Variants in RBFOX1 observed in about 807,000 individuals in gnomAD.
RBFOX1 encodes RNA binding fox-1 homolog 1.
Under a neutral mutation model 57.7 loss-of-function variants are expected in RBFOX1, and 8 were observed. The observed-to-expected ratio is 0.14, with a 90% confidence interval of 0.08 to 0.25. The LOEUF is 0.25. RBFOX1 is among the 10% of genes least tolerant of loss of function. RBFOX1 has a pLI of 1.00. For synonymous variants in RBFOX1, 326 were observed against 222.4 expected, an observed-to-expected ratio of 1.47 and a Z score of -4.15; for missense variants, 611 against 548.5, an observed-to-expected ratio of 1.11 and a Z score of -1.14.
intron 3 of RBFOX1, among the ~76,000 whole-genome samples, chr16:6,765,197 G>C (rs928484535): frequency 2.0e-5 from 3 of 152,080 alleles, no homozygotes; most frequent in East Asian, 1.9e-4. Context: ...GGTAAGGGAG[G>C]GGGTGGACTA....
At chr16:6,190,562 T>C (rs2152808310) in intron 1 of RBFOX1, among the ~76,000 whole-genome samples, 1 of 152,324 alleles carries the variant, frequency 6.6e-6, no homozygotes, top group African/African-American at 2.4e-5. Flanking sequence ...AAAATCGACT[T>C]AAATCTTTCA....
chr16:7,484,008 C>A (rs74010519), intron 4 of RBFOX1, among the ~76,000 whole-genome samples: 4,182 of 152,310 alleles, frequency 0.027, 181 homozygotes, highest in African/African-American at 0.095. Flanking sequence ...TCTGCCCCCC[C>A]ATTCCCTAAC....
At chr16:5,273,844 G>A (rs2063076654) in intron 1 of RBFOX1, among the ~76,000 whole-genome samples, 1 of 152,168 alleles carries the variant, frequency 6.6e-6, no homozygotes, top group Non-Finnish European at 1.5e-5. Flanking sequence ...TTCCAACAGT[G>A]TGTGAGCCCA....
At chr16:5,989,676 G>A (rs1478960645) in intron 4 of RBFOX1, among the ~76,000 whole-genome samples, 1 of 151,854 alleles carries the variant, frequency 6.6e-6, no homozygotes, top group Non-Finnish European at 1.5e-5. Context: ...TTCCATAGTG[G>A]ACCTTAAATT....
intron 3 of RBFOX1, among the ~76,000 whole-genome samples, chr16:6,979,869 G>C (rs975775075): frequency 6.6e-6 from 1 of 152,100 alleles, no homozygotes; most frequent in Non-Finnish European, 1.5e-5. Flanking sequence ...TGCTTTGTGA[G>C]CCTCCTGGGC....
chr16:6,263,326 C>T (rs1016497514), intron 1 of RBFOX1, among the ~76,000 whole-genome samples: 1 of 152,074 alleles, frequency 6.6e-6, no homozygotes, highest in Non-Finnish European at 1.5e-5. Flanking sequence ...AATTCATGCT[C>T]AAACTGTGGG....
intron 2 of RBFOX1, among the ~76,000 whole-genome samples, chr16:6,407,000 C>A (rs8063995): frequency 6.6e-6 from 1 of 151,870 alleles, no homozygotes; most frequent in South Asian, 2.1e-4. Flanking sequence ...TTCTGGAGGT[C>A]CCAATGAGAT....
rs892726250 is a variant in RBFOX1, at chr16:7,309,342, C to G, written c.28-208805C>G. 1.8e-4 allele frequency among the ~76,000 whole-genome samples: 27 copies of G among 152,254 alleles called. 1 individual carries two copies. Among genetic ancestry groups the G allele is most frequent in the Non-Finnish European group, 2.8e-4 (19 of 68,042 alleles). ...GAGGGCCGCGTGTTGTGGACATGGA[C>G]TGCAGGGCCACCTGGGCTGCCTCTG... On this transcript the variant is annotated intron_variant, in intron 4 of 15. Transcript: ENST00000550418.
chr16:6,769,439 G>T (rs996472321), intron 3 of RBFOX1, among the ~76,000 whole-genome samples: 2 of 152,182 alleles, frequency 1.3e-5, no homozygotes, highest in Middle Eastern at 3.2e-3. Context: ...TTTTCCATGA[G>T]CTACATCTCC....
At chr16:5,704,233 A>G (rs913395778) in intron 3 of RBFOX1, among the ~76,000 whole-genome samples, 1 of 152,192 alleles carries the variant, frequency 6.6e-6, no homozygotes, top group Non-Finnish European at 1.5e-5. Flanking sequence ...GCTGGATAAA[A>G]CAGTAATAAT....
chr16:7,354,266 T>C (rs4389158), intron 4 of RBFOX1, among the ~76,000 whole-genome samples: 57,858 of 152,084 alleles, frequency 0.38, 13,287 homozygotes, highest in African/African-American at 0.65. Context: ...CCACCATGCT[T>C]GGCCCGAATT....
Position 5,690,194 on chromosome 16 carries a change from T to C in RBFOX1, c.318+91233T>C, listed in dbSNP as rs551174310. Among the ~76,000 whole-genome samples the C allele has an allele frequency of 2.6e-5, 4 of 152,324 alleles. No individual in the cohort carries two copies. The South Asian group carries it at 6.2e-4, about 24-fold the overall frequency. On this transcript the variant is annotated intron_variant, in intron 3 of 19. Coordinates refer to the RBFOX1 transcript ENST00000641259. ...GTAATGGTATCGCATACTTATCCAA[T>C]GAAAGGGCATACATTGAAGACAGTC...
At chr16:6,939,093 T>C (rs2077878389) in intron 3 of RBFOX1, among the ~76,000 whole-genome samples, 1 of 152,190 alleles carries the variant, frequency 6.6e-6, no homozygotes, top group Non-Finnish European at 1.5e-5. Context: ...CATTTTACTC[T>C]TGAAGAAACA....
intron 1 of RBFOX1, among the ~76,000 whole-genome samples, chr16:6,119,765 A>G (rs2096534681): frequency 6.6e-6 from 1 of 152,168 alleles, no homozygotes; most frequent in Non-Finnish European, 1.5e-5. Context: ...CTCCTGAAAC[A>G]CTAGGAGTAG....
At chr16:7,152,218 C>A (rs2076239472) in intron 4 of RBFOX1, among the ~76,000 whole-genome samples, 1 of 152,128 alleles carries the variant, frequency 6.6e-6, no homozygotes, top group South Asian at 2.1e-4. Flanking sequence ...CAGTCTATAC[C>A]ATGCGTCCAT....
intron 1 of RBFOX1, among the ~76,000 whole-genome samples, chr16:5,460,057 T>G (rs1437754866): frequency 6.6e-6 from 1 of 152,092 alleles, no homozygotes; most frequent in Non-Finnish European, 1.5e-5. Context: ...CAATGATGAG[T>G]CTCTGGATGG....
intron 4 of RBFOX1, among the ~76,000 whole-genome samples, chr16:7,172,347 C>G (rs957353704): frequency 3.9e-5 from 6 of 152,164 alleles, no homozygotes; most frequent in Admixed American, 2.0e-4. Context: ...ACACATCTTC[C>G]TAATAAAGTA....
At chr16:5,452,710 C>G (rs570091921) in intron 1 of RBFOX1, among the ~76,000 whole-genome samples, 1 of 151,610 alleles carries the variant, frequency 6.6e-6, no homozygotes, top group East Asian at 1.9e-4. Flanking sequence ...ATGGCGTGGT[C>G]CTGGCTCACT....
chr16:7,626,127 C>A (rs1409137823), intron 10 of RBFOX1, among the ~76,000 whole-genome samples: 2 of 152,236 alleles, frequency 1.3e-5, no homozygotes, highest in African/African-American at 4.8e-5. Flanking sequence ...TGGAAAAAGA[C>A]AAAGCCTCTG....
Sources: allele counts gnomAD v4.1 joint callset (sites outside exome capture counted in the v4.1 genomes callset), GRCh38; gene constraint gnomAD v4.1.1; transcripts MANE v1.5; gene names NCBI Gene and HGNC (gene_info 2026-07-23, HGNC 2026-07-21).